The following SYMPK variants were observed in gnomAD, a reference collection of about 807,000 sequenced individuals.
SYMPK encodes the protein symplekin scaffold protein.
In SYMPK, 49 loss-of-function variants were observed where a neutral mutation model predicts 136.4. That is an observed-to-expected ratio of 0.36 (90% CI 0.29 to 0.46). The LOEUF is 0.46. SYMPK is among the 20% of genes least tolerant of loss of function. SYMPK has a pLI of 1.00. For synonymous variants in SYMPK, 766 were observed against 713.0 expected (o/e 1.07, Z -1.19); for missense variants, 1,365 against 1,690.0 (o/e 0.81, Z 3.37).
chr19:45,817,924 G>A, intron 23 of SYMPK, 35 bp downstream of exon 23: 1 of 1,525,628 alleles, frequency 6.6e-7, no homozygotes. Context: ...GCTGCTGTCT[G>A]CAGCCTGGAG....
intron 1 of SYMPK, among the ~76,000 whole-genome samples, chr19:45,861,135 A>G (rs1971957240): frequency 6.6e-6 from 1 of 152,176 alleles, no homozygotes; most frequent in South Asian, 2.1e-4. Flanking sequence ...TCACACCTGT[A>G]ATCCCAACAC....
chr19:45,830,826 T>C (rs1971151215), intron 12 of SYMPK: 1 of 152,122 alleles, frequency 6.6e-6, no homozygotes, highest in Non-Finnish European at 1.5e-5. Flanking sequence ...GAGGCGGAGC[T>C]TGCAGTGAGC....
Position 45,821,499 on chromosome 19 carries a change from G to C in SYMPK, c.2792-14C>G. On this transcript the variant is annotated splice_polypyrimidine_tract_variant and intron_variant, in intron 21 of 26. Transcript: ENST00000245934. The surrounding 1 kb of genome is among the most constrained non-coding windows in gnomAD (Gnocchi z 4.4). Reference sequence around the variant, plus strand: ...AGTTTCCCTCACCTGCAGCAGGCGGGAGGAAGGGTGGGGGAAGACAGTGCG... The same window carrying C: ...AGTTTCCCTCACCTGCAGCAGGCGGCAGGAAGGGTGGGGGAAGACAGTGCG... The C allele has an allele frequency of 6.3e-7, 1 of 1,594,414 alleles. No individual in the cohort carries two copies. Among genetic ancestry groups the C allele is most frequent in the Non-Finnish European group, 8.6e-7 (1 of 1,162,342 alleles).
rs775506129 is a variant in SYMPK, at chr19:45,818,119, T to A, written c.2921A>T (p.Asn974Ile). The A allele has an allele frequency of 3.9e-6, 6 of 1,553,168 alleles. No homozygotes were observed. In the Middle Eastern group the frequency reaches 5.0e-4, roughly 130 times the overall value. The change falls in exon 23 of 27, where the codon AAC becomes ATC. Residue 974 changes from asparagine (N) to isoleucine (I), a missense_variant. Asn to Ile is a moderately radical substitution (Grantham distance 149, BLOSUM62 -3). Around this residue, in one of 11 missense-constraint regions of SYMPK, gnomAD observed 156 missense variants for 217.8 expected, o/e 0.72. Coordinates refer to ENST00000245934, the MANE Select transcript of SYMPK (RefSeq NM_004819.3). ...KATNLCFAER[N>I]VYTSEVLAVV... ...GGCCAGCACCTCTGACGTGTACACG[T>A]TCCGCTCCGCAAAGCACAGGTTGGT... is the stretch of plus-strand genomic sequence containing the variant.
At chr19:45,852,174 G>C in intron 5 of SYMPK, 138 bp downstream of exon 5, 1 of 846,750 alleles carries the variant, frequency 1.2e-6, no homozygotes, top group Non-Finnish European at 2.0e-6. Flanking sequence ...TATTTGCTGG[G>C]GAATCAGTGT....
intron 5 of SYMPK, among the ~76,000 whole-genome samples, chr19:45,850,376 C>G (rs16980059): frequency 6.6e-6 from 1 of 152,126 alleles, no homozygotes; most frequent in African/African-American, 2.4e-5. Context: ...CATAGTATTA[C>G]GAATAATGAA....
chr19:45,823,218 C>T (rs1460493566), intron 20 of SYMPK, among the ~76,000 whole-genome samples, 154 bp downstream of exon 20: 4 of 152,166 alleles, frequency 2.6e-5, no homozygotes. Flanking sequence ...ACCCAGGTGT[C>T]GGCGGCTTCC....
Position 45,826,367 on chromosome 19 carries a change from A to G in SYMPK, c.2188T>C (p.Ser730Pro). Residue 730 changes from serine (S) to proline (P), a missense_variant, in exon 17 of 27, where the codon TCC becomes CCC. Ser to Pro is a moderately conservative substitution (Grantham distance 74). Coordinates refer to ENST00000245934, the MANE Select transcript of SYMPK (RefSeq NM_004819.3). ...LSSHEKDKVRSQALLFIKRMY... is the reference protein window; with the variant it reads ...LSSHEKDKVRPQALLFIKRMY... ...CGTTTGATGAACAGCAGGGCCTGGG[A>G]GCGCACCTGAGGAGGAAGATGGAGA... 6.2e-7 allele frequency: 1 copy of G among 1,614,042 alleles called. No individual in the cohort carries two copies. The highest frequency in any genetic ancestry group is 1.1e-5 in the South Asian group (1 of 91,076).
chr19:45,827,929 T>G lies in SYMPK; in HGVS notation c.1986-11A>C. On this transcript the variant is annotated splice_polypyrimidine_tract_variant and intron_variant, in intron 14 of 26. Transcript: ENST00000245934. Reference sequence around the variant, plus strand: ...ACCTTGGTGAAGATCCTGCCAGAGATGGAGGGAGGGCCATGGCTGCAGAGG... The same window carrying G: ...ACCTTGGTGAAGATCCTGCCAGAGAGGGAGGGAGGGCCATGGCTGCAGAGG... 6.2e-7 allele frequency: 1 copy of G among 1,613,408 alleles called. No homozygotes were observed. The highest frequency in any genetic ancestry group is 8.5e-7 in the Non-Finnish European group (1 of 1,179,802).
rs754623665 is a variant in SYMPK at position 45,838,503 on chromosome 19, C to T, written c.1200G>A (p.Glu400=). The T allele has an allele frequency of 2.0e-5, 32 of 1,613,986 alleles. No homozygotes were observed. In the East Asian group the frequency reaches 5.1e-4, roughly 26 times the overall value. Reference sequence around the variant, plus strand: ...CAGGCGTCAGCAGAGGCTGCAGGAACTCAGCTGTGATGTCCGTGTCTGACT... The same window carrying T: ...CAGGCGTCAGCAGAGGCTGCAGGAATTCAGCTGTGATGTCCGTGTCTGACT... ...SGQSDTDITA[E]FLQPLLTPDN... is the part of the protein sequence containing the mutation. Residue 400 remains glutamate, a synonymous_variant, in exon 10 of 27, where the codon GAG becomes GAA. Transcript: ENST00000245934.
chr19:45,826,354 A>G lies in SYMPK; in HGVS notation c.2201T>C (p.Leu734Pro). The change falls in exon 17 of 27, where the codon CTG becomes CCG. Residue 734 changes from leucine to proline, a missense_variant. By Grantham distance (98) the Leu-to-Pro change is moderately conservative. Around this residue, in one of 11 missense-constraint regions of SYMPK, gnomAD observed 303 missense variants for 326.6 expected, o/e 0.93. Coordinates refer to ENST00000245934, the MANE Select transcript of SYMPK (RefSeq NM_004819.3). ...EKDKVRSQAL[L>P]FIKRMYEKEQ... is the part of the protein sequence containing the mutation. ...CTTCTCATACATGCGTTTGATGAAC[A>G]GCAGGGCCTGGGAGCGCACCTGAGG... is the stretch of plus-strand genomic sequence containing the variant. 6.2e-7 allele frequency: 1 copy of G among 1,614,192 alleles called. No homozygotes were observed. The highest frequency in any genetic ancestry group is 8.5e-7 in the Non-Finnish European group (1 of 1,180,038).
intron 24 of SYMPK, 95 bp downstream of exon 24, chr19:45,816,703 C>CTCCA (rs1433243580): frequency 6.7e-7 from 1 of 1,498,866 alleles, no homozygotes; most frequent in African/African-American, 1.4e-5. Context: ...TTGTGTCCGC[C>CTCCA]TCCATCCAGT....
chr19:45,848,950 A>G (rs1971630351), intron 5 of SYMPK, 74 bp from the exon 6 acceptor site: 2 of 1,571,836 alleles, frequency 1.3e-6, no homozygotes, highest in Non-Finnish European at 8.7e-7. Context: ...GAGGTCCAGG[A>G]GGGAAGGGAA....
intron 10 of SYMPK, 30 bp downstream of exon 10, chr19:45,838,430 CA>C (rs767414761): frequency 5.6e-6 from 9 of 1,596,280 alleles, no homozygotes; most frequent in Non-Finnish European, 7.7e-6. Flanking sequence ...CCTTCCTGCC[CA>C]GGGGGAAAAC....
intron 16 of SYMPK, 30 bp downstream of exon 16, chr19:45,827,480 G>C (rs371621583): frequency 6.5e-7 from 1 of 1,549,342 alleles, no homozygotes. Flanking sequence ...TGCAGGCTGA[G>C]GGCAGCCAGG....
At position 45,863,060 on chromosome 19, in the gene SYMPK, C is replaced by T. The variant is rs1006626974; in HGVS notation, c.-15G>A. ...CCCAAACGCCGCCTCCCGCTCACCG[C>T]AGCTCTGGCCTCCGTTCCCCTCGCG... On this transcript the variant is annotated splice_region_variant and 5_prime_UTR_variant, in exon 1 of 27. Transcript: ENST00000245934. 8 of 401,434 alleles carry T rather than the reference C, an allele frequency of 2.0e-5. No individual in the cohort carries two copies. Among genetic ancestry groups the T allele is most frequent in the Middle Eastern group, 3.1e-4 (1 of 3,234 alleles). 24.9% of individuals were successfully genotyped at this position (401,434 alleles called of 1,614,324 possible).
chr19:45,854,775 T>C, intron 1 of SYMPK: 1 of 471,186 alleles, frequency 2.1e-6, no homozygotes, highest in Non-Finnish European at 3.9e-6. Flanking sequence ...AAACAGCTGC[T>C]GAACGATGGG....
intron 1 of SYMPK, among the ~76,000 whole-genome samples, chr19:45,857,129 C>T (rs533672359): frequency 6.6e-6 from 1 of 151,636 alleles, no homozygotes; most frequent in Non-Finnish European, 1.5e-5. Flanking sequence ...CAAAACAAGG[C>T]TGGGTGCGGT....
chr19:45,830,004 G>A lies in SYMPK; in HGVS notation c.1749+50C>T, dbSNP rs531976208. ...ACTCTTCGCTGGATGTGAGGTAGAC[G>A]TTTGGGTAGAGGGACTGGAAGGATG... On this transcript the variant is annotated intron_variant, in intron 13 of 26. Transcript: ENST00000245934. 171 of 1,513,866 alleles carry A rather than the reference G, an allele frequency of 1.1e-4. No individual in the cohort carries two copies. The Admixed American group carries it at 2.7e-3, about 24-fold the overall frequency. The allele number at this position is 1,513,866 out of a possible 1,614,324, so 93.8% of individuals were successfully genotyped here.
Sources: allele counts gnomAD v4.1 joint callset (sites outside exome capture counted in the v4.1 genomes callset), GRCh38; gene constraint gnomAD v4.1.1; regional missense constraint gnomAD v4.1.1; non-coding constraint Gnocchi (gnomAD v3.1); transcripts MANE v1.5; gene names NCBI Gene and HGNC (gene_info 2026-07-23, HGNC 2026-07-21).